HERC5: variants seen among roughly 807,000 people sequenced by gnomAD.
HERC5 encodes HECT and RLD domain containing E3 ubiquitin protein ligase 5, also known as E3 ISG15--protein ligase HERC5.
A neutral mutation model predicts 119.6 loss-of-function variants in HERC5; 99 were observed. That is an observed-to-expected ratio of 0.83 (90% CI 0.70 to 0.98). The LOEUF is 0.98. Ranked by LOEUF, HERC5 falls within the 50% of genes least tolerant of loss-of-function variation. HERC5 has a pLI of 0.00. For synonymous variants in HERC5, 478 were observed against 445.9 expected (o/e 1.07, Z -0.91); for missense variants, 1,267 against 1,241.3 (o/e 1.02, Z -0.31).
At position 88,489,248 on chromosome 4, in the gene HERC5, A is replaced by G. The variant is rs779674897; in HGVS notation, c.2045A>G (p.Asp682Gly). ...ESEFALRPTF[D>G]LTVRRNHLIE... ...GAATTCGCTTTGAGGCCCACGTTTGATCTAACAGTCAGAAGGAATCACTTG... is the reference window on the plus strand; with the variant it reads ...GAATTCGCTTTGAGGCCCACGTTTGGTCTAACAGTCAGAAGGAATCACTTG... The change falls in exon 16 of 23, where the codon GAT (aspartate) becomes GGT (glycine). Residue 682 changes from aspartate to glycine, a missense_variant. Physicochemically the swap from Asp to Gly is moderately conservative, Grantham distance 94. Around this residue, in one of 3 missense-constraint regions of HERC5, gnomAD observed 473 missense variants for 445.7 expected, o/e 1.06. Transcript: ENST00000264350. 6.2e-7 allele frequency: 1 copy of G among 1,613,996 alleles called. No individual in the cohort carries two copies. The highest frequency in any genetic ancestry group is 8.5e-7 in the Non-Finnish European group (1 of 1,179,902).
rs534388179 is a variant in HERC5 at position 88,498,248 on chromosome 4, C to T, written c.2445-1678C>T. Among the ~76,000 whole-genome samples, 3 of 152,202 alleles carry T rather than the reference C, an allele frequency of 2.0e-5. No homozygotes were observed. The East Asian group carries it at 5.8e-4, about 29-fold the overall frequency. On this transcript the variant is annotated intron_variant, in intron 18 of 22. Transcript: ENST00000264350. ...TGGGAGTGAGGCTGCTCTAGAGACC[C>T]GAGAAGAGCCACCAGTGTGCAGTTC...
intron 16 of HERC5, among the ~76,000 whole-genome samples, chr4:88,490,344 C>T (rs1003807354): frequency 2.6e-5 from 4 of 152,120 alleles, no homozygotes; most frequent in African/African-American, 4.8e-5. Context: ...TATTAGGTAA[C>T]TTATCCAAGA....
intron 6 of HERC5, among the ~76,000 whole-genome samples, chr4:88,465,510 C>T (rs1290157412): frequency 6.6e-6 from 1 of 152,154 alleles, no homozygotes; most frequent in Admixed American, 6.5e-5. Context: ...ACCAAATTAT[C>T]GGAATATGAG....
chr4:88,469,666 A>G (rs1476605518), intron 9 of HERC5, among the ~76,000 whole-genome samples: 2 of 152,186 alleles, frequency 1.3e-5, no homozygotes, highest in African/African-American at 4.8e-5. Flanking sequence ...CACTCACATT[A>G]TGGAAGGTCC....
At chr4:88,481,538 T>TAA (rs1423448791) in intron 13 of HERC5, among the ~76,000 whole-genome samples, 2 of 152,210 alleles carry the variant, frequency 1.3e-5, no homozygotes, top group Non-Finnish European at 2.9e-5. Context: ...TTTCTTTATA[T>TAA]AATTTTACTC....
chr4:88,467,842 GTTAC>G, intron 7 of HERC5: 1 of 976,354 alleles, frequency 1.0e-6, no homozygotes, highest in Non-Finnish European at 1.2e-6. Flanking sequence ...GAGCATTTCT[GTTAC>G]TTGTTTCTGA....
chr4:88,482,141 C>G (rs1741299180), intron 13 of HERC5, among the ~76,000 whole-genome samples: 1 of 151,776 alleles, frequency 6.6e-6, no homozygotes, highest in Non-Finnish European at 1.5e-5. Context: ...GAAACCTCGT[C>G]TCTACTAAAA....
chr4:88,494,295 TG>T lies in HERC5; in HGVS notation c.2410del (p.Glu804LysfsTer3). ...FKKLLDQMPS[L>X]EDLKELSPDL... is the part of the protein sequence containing the mutation. Reference sequence around the variant, plus strand: ...AAACTTTTGGACCAAATGCCATCATTGGAAGACTTGAAAGAACTCAGTCCTG... The same window carrying T: ...AAACTTTTGGACCAAATGCCATCATTGAAGACTTGAAAGAACTCAGTCCTG... On this transcript the variant is annotated frameshift_variant, in exon 18 of 23. Transcript: ENST00000264350. LOFTEE classifies it high-confidence loss of function. 1 of 1,613,440 alleles carries T rather than the reference TG, an allele frequency of 6.2e-7. No individual in the cohort carries two copies. The highest frequency in any genetic ancestry group is 8.5e-7 in the Non-Finnish European group (1 of 1,179,804).
At chr4:88,467,262 T>C in intron 7 of HERC5, 58 bp downstream of exon 7, 1 of 1,546,558 alleles carries the variant, frequency 6.5e-7, no homozygotes, top group Non-Finnish European at 8.8e-7. Flanking sequence ...AAATGATTTT[T>C]CTAACTAGGT....
chr4:88,490,924 G>A lies in HERC5; in HGVS notation c.2133+1588G>A, dbSNP rs368193564. ...ACACAGATAATTGTATAACTCTAAT[G>A]GACTCGTTATGTGATTCTATGCTTT... is the stretch of plus-strand genomic sequence containing the variant. On this transcript the variant is annotated intron_variant, in intron 16 of 22. Coordinates refer to ENST00000264350, the MANE Select transcript of HERC5 (RefSeq NM_016323.4). Among the ~76,000 whole-genome samples, 204 of 152,248 alleles carry A rather than the reference G, an allele frequency of 1.3e-3. 3 individuals are homozygous for A. In the South Asian group the frequency reaches 0.021, roughly 16 times the overall value.
chr4:88,485,473 A>G (rs976531889), intron 13 of HERC5, among the ~76,000 whole-genome samples: 3 of 152,240 alleles, frequency 2.0e-5, no homozygotes, highest in Admixed American at 6.5e-5. Flanking sequence ...ACGAGAGTCA[A>G]TAAGAACATT....
At chr4:88,482,731 A>T (rs956301222) in intron 13 of HERC5, among the ~76,000 whole-genome samples, 1 of 152,182 alleles carries the variant, frequency 6.6e-6, no homozygotes, top group African/African-American at 2.4e-5. Context: ...CACTGCAAGA[A>T]CCATGGTCCT....
At chr4:88,491,477 C>A (rs1402403558) in intron 16 of HERC5, among the ~76,000 whole-genome samples, 1 of 151,980 alleles carries the variant, frequency 6.6e-6, no homozygotes. Flanking sequence ...AGAAATTAAG[C>A]CAGCAGGAAA....
Position 88,457,228 on chromosome 4 carries a change from T to C in HERC5, c.-42T>C. ...CGCGCTCAGTCCCGGGACCAGGCGT[T>C]CTCTCCTCTCGCCTCTGGGCCTGGG... On this transcript the variant is annotated 5_prime_UTR_variant, in exon 1 of 23. Transcript: ENST00000264350. 4 of 1,291,544 alleles carry C rather than the reference T, an allele frequency of 3.1e-6. No individual in the cohort carries two copies. Among genetic ancestry groups the C allele is most frequent in the Non-Finnish European group, 3.9e-6 (4 of 1,017,668 alleles). The allele number at this position is 1,291,544 out of a possible 1,614,324, so 80.0% of individuals were successfully genotyped here. A position where few individuals can be genotyped will look rare whatever the true frequency, so the allele number is the denominator to read the frequency against.
rs750369071 is a variant in HERC5, at chr4:88,469,242, G to A, written c.1220G>A (p.Arg407Gln). ...KRWIADVETK[R>Q]WQSTKREIQE... ...TGGATTGCTGATGTGGAGACTAAAC[G>A]GTGGCAGAGCACAAAAAGGTACACC... Residue 407 changes from arginine (R) to glutamine (Q), a missense_variant, in exon 9 of 23, where the codon CGG becomes CAG. Transcript: ENST00000264350. 2.3e-5 allele frequency: 37 copies of A among 1,611,920 alleles called. No homozygotes were observed. The highest frequency in any genetic ancestry group is 1.0e-4 in the Admixed American group (6 of 59,954).
intron 10 of HERC5, 50 bp from the exon 11 acceptor site, chr4:88,472,359 C>A: frequency 9.5e-7 from 1 of 1,049,422 alleles, no homozygotes; most frequent in Non-Finnish European, 1.5e-6. Context: ...AGAAACTTTG[C>A]ATCTAGGGAG....
At chr4:88,475,324 C>CTTTTTTT (rs757780297) in intron 11 of HERC5, among the ~76,000 whole-genome samples, 4 of 123,486 alleles carry the variant, frequency 3.2e-5, no homozygotes, top group African/African-American at 5.9e-5. Context: ...TTCTTTCTTT[C>CTTTTTTT]TTTTTTTTTT....
intron 12 of HERC5, 75 bp from the exon 13 acceptor site, chr4:88,479,278 C>CTT (rs1318683492): frequency 9.8e-5 from 118 of 1,203,472 alleles, no homozygotes; most frequent in Admixed American, 1.3e-4. Context: ...GGGTGAGACT[C>CTT]TGTCTCAAAA....
At chr4:88,470,740 T>G in intron 10 of HERC5, 67 bp downstream of exon 10, 1 of 722,464 alleles carries the variant, frequency 1.4e-6, no homozygotes, top group Non-Finnish European at 2.2e-6. Context: ...GATAAAAAAA[T>G]GATTGGAGAG....
Sources: gnomAD v4.1 joint callset for allele counts (sites outside exome capture counted in the v4.1 genomes callset) on GRCh38, gnomAD v4.1.1 for gene constraint, gnomAD v4.1.1 regional missense constraint, MANE v1.5 for transcripts, NCBI Gene and HGNC (gene_info 2026-07-23, HGNC 2026-07-21) for gene names.